The following CCDC30 variants were observed in gnomAD, a reference collection of about 807,000 sequenced individuals.
CCDC30 encodes coiled-coil domain containing 30, also known as coiled-coil domain-containing protein 30.
A neutral mutation model predicts 100.2 loss-of-function variants in CCDC30; 70 were observed. The ratio of observed to expected loss-of-function variants is 0.70; its 90% confidence interval spans 0.58 to 0.85. The LOEUF (loss-of-function observed/expected upper bound fraction) is 0.85, where lower values mean the gene tolerates loss of function less well. Ranked by LOEUF, CCDC30 falls within the 40% of genes least tolerant of loss-of-function variation. The pLI is 0.00. For missense variants in CCDC30, 652 were observed against 771.2 expected (o/e 0.85, Z 1.83); for synonymous variants, 233 against 269.5 (o/e 0.86, Z 1.33).
chr1:42,558,537 C>A (rs1172683717), intron 6 of CCDC30, among the ~76,000 whole-genome samples: 1 of 152,126 alleles, frequency 6.6e-6, no homozygotes, highest in Non-Finnish European at 1.5e-5. Flanking sequence ...TCATTATTAT[C>A]CATATCTTAA....
intron 10 of CCDC30, among the ~76,000 whole-genome samples, chr1:42,597,947 C>T (rs773509449): frequency 1.8e-4 from 26 of 146,852 alleles, no homozygotes; most frequent in Admixed American, 1.2e-3. Flanking sequence ...CACTTAAGGC[C>T]AGGAGTTCAA....
At chr1:42,520,280 G>A (rs1252152356) in intron 6 of CCDC30, among the ~76,000 whole-genome samples, 1 of 150,720 alleles carries the variant, frequency 6.6e-6, no homozygotes, top group Non-Finnish European at 1.5e-5. Context: ...GTATCTGTAA[G>A]TTTTGGTGTG....
At chr1:42,496,507 AAAAT>A in intron 4 of CCDC30, among the ~76,000 whole-genome samples, 1 of 152,098 alleles carries the variant, frequency 6.6e-6, no homozygotes, top group Middle Eastern at 3.4e-3. Context: ...CTATGTGTTA[AAAAT>A]ATTATTTTGG....
intron 6 of CCDC30, 166 bp downstream of exon 7, chr1:42,536,767 A>G (rs1166603684): frequency 5.4e-6 from 3 of 558,408 alleles, no homozygotes; most frequent in African/African-American, 3.9e-5. Context: ...TCTCACAGTT[A>G]TGGAGGAGGG....
chr1:42,479,865 T>C (rs971614384), intron 1 of CCDC30, among the ~76,000 whole-genome samples: 34 of 152,112 alleles, frequency 2.2e-4, no homozygotes, highest in African/African-American at 8.2e-4. Context: ...CATGGGAAGA[T>C]GTGATTGGCT....
chr1:42,491,953 C>T, intron 4 of CCDC30: 1 of 892,686 alleles, frequency 1.1e-6, no homozygotes, highest in Non-Finnish European at 1.7e-6. Flanking sequence ...GTGAGTCTTG[C>T]TGATCTGCAG....
intron 6 of CCDC30, among the ~76,000 whole-genome samples, chr1:42,551,373 T>C (rs761999505): frequency 7.2e-5 from 11 of 152,238 alleles, no homozygotes; most frequent in Non-Finnish European, 1.5e-4. Context: ...GCAGAAGTAT[T>C]GCATGATGTA....
rs573967555 is a variant in CCDC30 at position 42,473,208 on chromosome 1, G to T, written c.-91-7253G>T. 3.2e-6 allele frequency: 4 copies of T among 1,231,294 alleles called. No homozygotes were observed. The African/African-American group carries it at 6.2e-5, about 19-fold the overall frequency. The allele number at this position is 1,231,294 out of a possible 1,614,324, so 76.3% of individuals were successfully genotyped here. On this transcript the variant is annotated intron_variant, in intron 1 of 16. Transcript: ENST00000668663. ...CTACTACAGAAGAACAACTCTGTTT[G>T]GTGCTTATTCCAGCCAGCACAGTGA...
chr1:42,636,162 G>A (rs1319382501), intron 11 of CCDC30, among the ~76,000 whole-genome samples: 2 of 152,094 alleles, frequency 1.3e-5, no homozygotes, highest in Non-Finnish European at 1.5e-5. Context: ...GCTTATGCCT[G>A]TAATCCCAGC....
intron 14 of CCDC30, among the ~76,000 whole-genome samples, chr1:42,645,052 T>C (rs372923762): frequency 9.3e-4 from 142 of 152,294 alleles, no homozygotes; most frequent in African/African-American, 3.3e-3. Context: ...ATATGCCTCA[T>C]AGCTTCTTCC....
At position 42,494,660 on chromosome 1, in the gene CCDC30, A is replaced by G. The variant is rs1186155505; in HGVS notation, c.242-2438A>G. Among the ~76,000 whole-genome samples the G allele has an allele frequency of 2.7e-5, 4 of 148,170 alleles. No individual in the cohort carries two copies. In the East Asian group the frequency reaches 7.9e-4, roughly 29 times the overall value. On this transcript the variant is annotated intron_variant, in intron 4 of 16. Transcript: ENST00000668663. The stretch of plus-strand genomic sequence containing the variant: ...CAATGAACTCAAACAAATTTACAAG[A>G]AAAAAACAAACAACCCCATCAAAAA...
the CCDC30 span, chr1:42,457,290 C>T: frequency 7.4e-6 from 12 of 1,614,094 alleles, no homozygotes; most frequent in Admixed American, 3.3e-5. Flanking sequence ...TGTCAGATTT[C>T]TATGTTCCTG....
At chr1:42,531,061 A>G (rs1337004924) in intron 6 of CCDC30, among the ~76,000 whole-genome samples, 2 of 152,140 alleles carry the variant, frequency 1.3e-5, no homozygotes, top group Admixed American at 6.5e-5. Context: ...AAAAACCCCA[A>G]TGTTGGAGGA....
At chr1:42,550,164 A>G (rs1645220722) in intron 6 of CCDC30, among the ~76,000 whole-genome samples, 1 of 152,206 alleles carries the variant, frequency 6.6e-6, no homozygotes, top group Non-Finnish European at 1.5e-5. Flanking sequence ...TTCCACCAAC[A>G]CATCCTGTCA....
At chr1:42,611,409 G>C (rs1646620791) in intron 11 of CCDC30, among the ~76,000 whole-genome samples, 1 of 151,866 alleles carries the variant, frequency 6.6e-6, no homozygotes, top group South Asian at 2.1e-4. Context: ...TCCTCAGCCT[G>C]AACCACCCTC....
At chr1:42,555,291 A>G (rs1645345693) in intron 6 of CCDC30, among the ~76,000 whole-genome samples, 2 of 152,144 alleles carry the variant, frequency 1.3e-5, no homozygotes, top group Non-Finnish European at 2.9e-5. Context: ...GTTCTCATCT[A>G]TACCAACACC....
At position 42,640,621 on chromosome 1, in the gene CCDC30, T is replaced by G. The variant is rs574063076; in HGVS notation, c.1420-1852T>G. Among the ~76,000 whole-genome samples the G allele has an allele frequency of 3.5e-3, 533 of 152,250 alleles. 4 individuals carry two copies. Among genetic ancestry groups the G allele is most frequent in the Non-Finnish European group, 4.7e-3 (323 of 68,024 alleles). On this transcript the variant is annotated intron_variant, in intron 12 of 16. Coordinates refer to ENST00000668663, the Ensembl canonical transcript of CCDC30. Reference sequence around the variant, plus strand: ...TTAATAATAGATGGATGGCCAGGCATGGTGGCTCATGCCTGTAATTCTAGC... The same window carrying G: ...TTAATAATAGATGGATGGCCAGGCAGGGTGGCTCATGCCTGTAATTCTAGC...
At chr1:42,505,849 G>T (rs1423844115) in intron 6 of CCDC30, among the ~76,000 whole-genome samples, 1 of 152,140 alleles carries the variant, frequency 6.6e-6, no homozygotes, top group African/African-American at 2.4e-5. Flanking sequence ...AACAATATGA[G>T]GCTAGTCTTC....
intron 11 of CCDC30, among the ~76,000 whole-genome samples, chr1:42,618,548 T>A (rs1010738819): frequency 1.3e-5 from 2 of 152,220 alleles, no homozygotes; most frequent in Non-Finnish European, 2.9e-5. Flanking sequence ...AAACCAGTGA[T>A]ATCTTTTACC....
Sources: gnomAD v4.1 joint callset for allele counts (sites outside exome capture counted in the v4.1 genomes callset) on GRCh38, gnomAD v4.1.1 for gene constraint, MANE v1.5 for transcripts, NCBI Gene and HGNC (gene_info 2026-07-23, HGNC 2026-07-21) for gene names.